RXFP2: variants seen among roughly 807,000 people sequenced by gnomAD.
The protein encoded by RXFP2 is relaxin family peptide receptor 2, also known as relaxin receptor 2.
Under a neutral mutation model 88.6 loss-of-function variants are expected in RXFP2, and 68 were observed. The ratio of observed to expected loss-of-function variants is 0.77; its 90% CI spans 0.63 to 0.94. The LOEUF is 0.94. RXFP2 is among the 40% of genes least tolerant of loss of function. The pLI, the probability that RXFP2 is intolerant of heterozygous loss-of-function variation, is 0.00. For synonymous variants in RXFP2, 329 were observed against 306.8 expected, an observed-to-expected ratio of 1.07 and a Z score of -0.76; for missense variants, 791 against 893.9, an observed-to-expected ratio of 0.88 and a Z score of 1.47.
At chr13:31,801,848 T>C (rs1414449777) in intron 17 of RXFP2, among the ~76,000 whole-genome samples, 2 of 133,792 alleles carry the variant, frequency 1.5e-5, no homozygotes, top group East Asian at 2.6e-4. Flanking sequence ...AGGAAGGTGA[T>C]AAAATAGGAA....
chr13:31,795,799 C>T lies in RXFP2; in HGVS notation c.1787-1402C>T, dbSNP rs1874005258. 2.0e-5 allele frequency among the ~76,000 whole-genome samples: 3 copies of T among 151,892 alleles called. No individual in the cohort carries two copies. In the South Asian group the frequency reaches 6.2e-4, roughly 32 times the overall value. On this transcript the variant is annotated intron_variant, in intron 16 of 17. Transcript: ENST00000298386. ...ATGAGATGATCACTCAGGATTTTAG[C>T]GACAGCAAGAATAAAGCAAAGAGTG...
At chr13:31,743,744 C>T (rs1319581502) in intron 1 of RXFP2, among the ~76,000 whole-genome samples, 3 of 151,900 alleles carry the variant, frequency 2.0e-5, no homozygotes, top group African/African-American at 7.3e-5. Flanking sequence ...CATGTCTCGC[C>T]CTCCTACCCC....
At chr13:31,792,155 C>T (rs951870952) in intron 15 of RXFP2, 120 bp downstream of exon 15, 4 of 765,870 alleles carry the variant, frequency 5.2e-6, no homozygotes, top group Middle Eastern at 3.7e-4. Context: ...ACATCCTGGG[C>T]ACATTTTTTT....
intron 1 of RXFP2, among the ~76,000 whole-genome samples, chr13:31,756,210 G>T (rs975468669): frequency 6.6e-6 from 1 of 152,164 alleles, no homozygotes; most frequent in African/African-American, 2.4e-5. Flanking sequence ...TCTCCTGAGG[G>T]GCTTCTCTAC....
At chr13:31,769,657 G>A (rs888918464) in intron 5 of RXFP2, among the ~76,000 whole-genome samples, 1 of 152,096 alleles carries the variant, frequency 6.6e-6, no homozygotes, top group African/African-American at 2.4e-5. Flanking sequence ...TGATTATATT[G>A]CTCTTTTGAT....
At chr13:31,776,481 C>T (rs1872990544) in intron 7 of RXFP2, among the ~76,000 whole-genome samples, 5 of 151,738 alleles carry the variant, frequency 3.3e-5, no homozygotes, top group Admixed American at 3.3e-4. Flanking sequence ...GGATGGTCTC[C>T]AACTCCTGAG....
Position 31,751,894 on chromosome 13 carries a change from G to A in RXFP2, c.95-6364G>A, listed in dbSNP as rs376033506. Among the ~76,000 whole-genome samples, 5 of 152,288 alleles carry A rather than the reference G, an allele frequency of 3.3e-5. No homozygotes were observed. The East Asian group carries it at 7.7e-4, about 24-fold the overall frequency. Reference sequence around the variant, plus strand: ...GGTAGTCTCTCAACTCATGCAGAACGAGATGAATTTTACATACTGAAAGGT... The same window carrying A: ...GGTAGTCTCTCAACTCATGCAGAACAAGATGAATTTTACATACTGAAAGGT... On this transcript the variant is annotated intron_variant, in intron 1 of 17. Transcript: ENST00000298386.
At chr13:31,776,746 A>T (rs1455875225) in intron 7 of RXFP2, among the ~76,000 whole-genome samples, 2 of 152,182 alleles carry the variant, frequency 1.3e-5, no homozygotes, top group Non-Finnish European at 2.9e-5. Flanking sequence ...GGCCACTGCA[A>T]GTAAGAGGAA....
intron 14 of RXFP2, among the ~76,000 whole-genome samples, chr13:31,790,799 G>A (rs1052773422): frequency 1.3e-5 from 2 of 151,640 alleles, no homozygotes; most frequent in Admixed American, 6.6e-5. Flanking sequence ...AGACCTGAGC[G>A]GAGGGAGAAA....
chr13:31,741,985 C>T (rs763496479), intron 1 of RXFP2, among the ~76,000 whole-genome samples: 11 of 152,012 alleles, frequency 7.2e-5, no homozygotes, highest in African/African-American at 2.2e-4. Flanking sequence ...CTTGCGTTAA[C>T]GTAATTAGAC....
At chr13:31,759,433 G>GAAAGAAAGAA (rs1872186593) in intron 2 of RXFP2, among the ~76,000 whole-genome samples, 1 of 138,066 alleles carries the variant, frequency 7.2e-6, no homozygotes, top group Non-Finnish European at 1.6e-5. Flanking sequence ...AAGAAAGAAA[G>GAAAGAAAGAA]AAAGAAAGAA....
intron 9 of RXFP2, among the ~76,000 whole-genome samples, chr13:31,779,028 C>A (rs1464361018): frequency 1.3e-5 from 2 of 152,038 alleles, no homozygotes; most frequent in Non-Finnish European, 2.9e-5. Flanking sequence ...TACTCCCACA[C>A]ATTACATCAT....
At chr13:31,749,471 A>G (rs1161687495) in intron 1 of RXFP2, among the ~76,000 whole-genome samples, 1 of 152,164 alleles carries the variant, frequency 6.6e-6, no homozygotes, top group Non-Finnish European at 1.5e-5. Context: ...ATTCCTACAC[A>G]CATACTCCTG....
chr13:31,794,360 A>AAC (rs542925981), intron 16 of RXFP2, among the ~76,000 whole-genome samples: 1 of 116,578 alleles, frequency 8.6e-6, no homozygotes, highest in African/African-American at 3.3e-5. Flanking sequence ...CTCTCCCTGA[A>AAC]ACACACACCA....
chr13:31,795,369 C>G (rs1429919721), intron 16 of RXFP2, among the ~76,000 whole-genome samples: 1 of 152,090 alleles, frequency 6.6e-6, no homozygotes, highest in Non-Finnish European at 1.5e-5. Context: ...AGGCTGGTCT[C>G]AAACTCCTGA....
At chr13:31,754,459 AG>A (rs1220603068) in intron 1 of RXFP2, among the ~76,000 whole-genome samples, 1 of 151,366 alleles carries the variant, frequency 6.6e-6, no homozygotes, top group Non-Finnish European at 1.5e-5. Context: ...TAAACCCGGG[AG>A]GGGGAGGTTT....
chr13:31,768,640 T>C (rs1265284885), intron 5 of RXFP2, among the ~76,000 whole-genome samples: 2 of 152,178 alleles, frequency 1.3e-5, no homozygotes, highest in Admixed American at 1.3e-4. Context: ...TTATTATCAA[T>C]GAAACCACCC....
chr13:31,786,451 A>C lies in RXFP2; in HGVS notation c.998A>C (p.Lys333Thr). 1 of 1,600,388 alleles carries C rather than the reference A, an allele frequency of 6.2e-7. No individual in the cohort carries two copies. Among genetic ancestry groups the C allele is most frequent in the Non-Finnish European group, 8.6e-7 (1 of 1,167,650 alleles). ...TTTAAAGACTTGAAGCTTCTACAAA[A>C]GCTGTAAGTTCTACTTCTCACCATA... ...HLFKDLKLLQKLNLSSNPLMY... is the reference protein window; with the variant it reads ...HLFKDLKLLQTLNLSSNPLMY... Residue 333 changes from lysine to threonine, a missense_variant, in exon 12 of 18, where the codon AAG (lysine) becomes ACG (threonine). Physicochemically the swap from Lys to Thr is moderately conservative, Grantham distance 78. Transcript: ENST00000298386.
At chr13:31,771,495 T>C (rs1752917397) in intron 5 of RXFP2, among the ~76,000 whole-genome samples, 1 of 152,002 alleles carries the variant, frequency 6.6e-6, no homozygotes, top group South Asian at 2.1e-4. Flanking sequence ...CCCCTCTCCA[T>C]CCATAGAAAA....
Sources: allele counts gnomAD v4.1 joint callset (sites outside exome capture counted in the v4.1 genomes callset), GRCh38; gene constraint gnomAD v4.1.1; transcripts MANE v1.5; gene names NCBI Gene and HGNC (gene_info 2026-07-23, HGNC 2026-07-21).